SLIT3: variants seen among roughly 807,000 people sequenced by gnomAD.
SLIT3 encodes slit guidance ligand 3.
Under a neutral mutation model 184.0 loss-of-function variants are expected in SLIT3, and 68 were observed. That is an observed-to-expected ratio of 0.37 (90% confidence interval 0.30 to 0.45). The LOEUF (loss-of-function observed/expected upper bound fraction) is 0.45, where lower values mean the gene tolerates loss of function less well. Ranked by LOEUF, SLIT3 falls within the 20% of genes least tolerant of loss-of-function variation. SLIT3 has a pLI of 1.00. For synonymous variants in SLIT3, 831 were observed against 828.6 expected (o/e 1.00, Z -0.05); for missense variants, 1,707 against 2,026.0 (o/e 0.84, Z 3.02).
chr5:168,777,622 C>T (rs1200112349), intron 12 of SLIT3, among the ~76,000 whole-genome samples: 1 of 152,130 alleles, frequency 6.6e-6, no homozygotes, highest in Non-Finnish European at 1.5e-5. Context: ...CAAAGATAGC[C>T]CAAGGTGCAG....
intron 8 of SLIT3, among the ~76,000 whole-genome samples, chr5:168,813,674 C>T (rs137945462): frequency 1.2e-3 from 186 of 152,320 alleles, no homozygotes; most frequent in African/African-American, 4.2e-3. Context: ...AAGTGCACTG[C>T]TAGCAAATTT....
chr5:168,804,028 C>T (rs191157178), intron 9 of SLIT3, among the ~76,000 whole-genome samples: 561 of 150,472 alleles, frequency 3.7e-3, no homozygotes, highest in Non-Finnish European at 6.8e-3. Context: ...AAGGGGAGGG[C>T]GGGCACGGTG....
At chr5:169,214,429 C>G (rs1017370310) in intron 3 of SLIT3, among the ~76,000 whole-genome samples, 1 of 152,120 alleles carries the variant, frequency 6.6e-6, no homozygotes, top group Non-Finnish European at 1.5e-5. Flanking sequence ...ACCCAGGAAC[C>G]GCAGTGAGGA....
chr5:169,248,153 C>T (rs1765660041), intron 2 of SLIT3, among the ~76,000 whole-genome samples: 1 of 152,160 alleles, frequency 6.6e-6, no homozygotes, highest in Non-Finnish European at 1.5e-5. Flanking sequence ...TCCCTGTGCT[C>T]CTTAAGGCCC....
At chr5:169,236,065 ATTAG>A (rs1397001829) in intron 3 of SLIT3, among the ~76,000 whole-genome samples, 1 of 152,188 alleles carries the variant, frequency 6.6e-6, no homozygotes, top group African/African-American at 2.4e-5. Flanking sequence ...TACACAACAA[ATTAG>A]TTAGAATTTT....
intron 20 of SLIT3, among the ~76,000 whole-genome samples, chr5:168,725,493 G>T (rs986266907): frequency 6.6e-6 from 1 of 152,210 alleles, no homozygotes; most frequent in South Asian, 2.1e-4. Context: ...TCTCCTTGGT[G>T]ATCTAAAGCT....
chr5:168,764,038 T>G (rs983282937), intron 14 of SLIT3, among the ~76,000 whole-genome samples: 2 of 152,232 alleles, frequency 1.3e-5, no homozygotes, highest in Non-Finnish European at 2.9e-5. Context: ...CCTTGGCAAC[T>G]TACTAGTCTC....
chr5:168,695,744 C>T (rs1393999735), intron 28 of SLIT3, among the ~76,000 whole-genome samples: 2 of 152,112 alleles, frequency 1.3e-5, no homozygotes, highest in Admixed American at 6.5e-5. Flanking sequence ...TTCCTGGATT[C>T]TCTGGCTGGG....
At chr5:169,082,644 A>G (rs17667288) in intron 4 of SLIT3, among the ~76,000 whole-genome samples, 6,359 of 152,286 alleles carry the variant, frequency 0.042, 429 homozygotes, top group East Asian at 0.25. Context: ...GAATGACCGC[A>G]TCAGAACCAA....
chr5:169,156,612 A>G (rs1186390513), intron 4 of SLIT3, among the ~76,000 whole-genome samples: 1 of 152,206 alleles, frequency 6.6e-6, no homozygotes, highest in African/African-American at 2.4e-5. Flanking sequence ...AGGCAGTATC[A>G]CTAAAAATAC....
chr5:169,250,515 C>G (rs903667177), intron 2 of SLIT3, among the ~76,000 whole-genome samples: 5 of 152,156 alleles, frequency 3.3e-5, no homozygotes, highest in African/African-American at 1.2e-4. Context: ...GAGCCTGGTA[C>G]TTTCTGAACC....
At chr5:168,930,238 A>G (rs1224656590) in intron 4 of SLIT3, among the ~76,000 whole-genome samples, 4 of 152,196 alleles carry the variant, frequency 2.6e-5, no homozygotes, top group Non-Finnish European at 4.4e-5. Flanking sequence ...TTTTGCCAAA[A>G]GAAAATTTGG....
At position 168,751,347 on chromosome 5, in the gene SLIT3, C is replaced by T. The variant is rs369376115; in HGVS notation, c.1973+1608G>A. Among the ~76,000 whole-genome samples, 10 of 152,290 alleles carry T rather than the reference C, an allele frequency of 6.6e-5. No homozygotes were observed. In the East Asian group the frequency reaches 1.7e-3, roughly 26 times the overall value. ...TAGAGACGGGACAATAAACCAGCGA[C>T]TAAGGATAACAGAGCCACATGGAAA... On this transcript the variant is annotated intron_variant, in intron 18 of 35. Transcript: ENST00000519560.
intron 4 of SLIT3, among the ~76,000 whole-genome samples, chr5:169,074,599 GA>G (rs1478777087): frequency 1.3e-5 from 2 of 152,170 alleles, no homozygotes; most frequent in Non-Finnish European, 2.9e-5. Flanking sequence ...GTACCTTTCT[GA>G]AGGTCTCAAG....
chr5:169,071,782 T>G (rs956205595), intron 4 of SLIT3, among the ~76,000 whole-genome samples: 2 of 152,218 alleles, frequency 1.3e-5, no homozygotes, highest in Non-Finnish European at 2.9e-5. Flanking sequence ...GCTTGGCCTC[T>G]TGTTCAGGAA....
intron 20 of SLIT3, among the ~76,000 whole-genome samples, chr5:168,728,896 T>G (rs114294010): frequency 0.01 from 1,571 of 150,160 alleles, 19 homozygotes; most frequent in Middle Eastern, 0.034. Context: ...TCAGCTTGAG[T>G]GACAGAGTTA....
At chr5:169,286,317 A>G (rs1295851229) in intron 1 of SLIT3, among the ~76,000 whole-genome samples, 3 of 151,984 alleles carry the variant, frequency 2.0e-5, no homozygotes, top group Admixed American at 6.5e-5. Flanking sequence ...TTTAAACTAA[A>G]CATCTTTTTT....
At chr5:168,810,178 G>C (rs529584148) in intron 8 of SLIT3, among the ~76,000 whole-genome samples, 1 of 152,184 alleles carries the variant, frequency 6.6e-6, no homozygotes, top group African/African-American at 2.4e-5. Context: ...TTTTTACCCA[G>C]CAAATTATAT....
intron 4 of SLIT3, among the ~76,000 whole-genome samples, chr5:169,057,679 T>A (rs973815404): frequency 2.0e-5 from 3 of 152,138 alleles, no homozygotes; most frequent in Non-Finnish European, 4.4e-5. Flanking sequence ...AGTAGGGTTA[T>A]CATGACTCCC....
Sources: allele counts gnomAD v4.1 joint callset (sites outside exome capture counted in the v4.1 genomes callset), GRCh38; gene constraint gnomAD v4.1.1; transcripts MANE v1.5; gene names NCBI Gene and HGNC (gene_info 2026-07-23, HGNC 2026-07-21).